ARMC8: variants seen among roughly 807,000 people sequenced by gnomAD.
ARMC8 encodes armadillo repeat containing 8.
ARMC8 carries 20 observed loss-of-function variants against 99.3 expected under a neutral mutation model. That is an observed-to-expected ratio of 0.20 (90% confidence interval 0.14 to 0.29). ARMC8 has a LOEUF of 0.29. Ranked by LOEUF, ARMC8 falls within the 10% of genes least tolerant of loss-of-function variation. The pLI is 1.00. For missense variants in ARMC8, 569 were observed against 809.5 expected, an observed-to-expected ratio of 0.70 and a Z score of 3.60; for synonymous variants, 263 against 278.3, an observed-to-expected ratio of 0.95 and a Z score of 0.55.
intron 1 of ARMC8, among the ~76,000 whole-genome samples, chr3:138,194,935 G>A (rs1472228439): frequency 2.6e-5 from 4 of 151,978 alleles, no homozygotes; most frequent in Admixed American, 6.5e-5. Flanking sequence ...AGTTTACAAA[G>A]CACTAATAAG....
intron 9 of ARMC8, 122 bp downstream of exon 9, chr3:138,237,694 G>A: frequency 1.3e-6 from 1 of 744,998 alleles, no homozygotes; most frequent in Admixed American, 3.1e-5. Flanking sequence ...AAATTTGAAA[G>A]TCAGGAGTCC....
Position 138,240,002 on chromosome 3 carries a change from T to C in ARMC8, c.837+474T>C, listed in dbSNP as rs117070212. Among the ~76,000 whole-genome samples the C allele has an allele frequency of 3.3e-4, 51 of 152,288 alleles. No homozygotes were observed. The East Asian group carries it at 9.3e-3, about 28-fold the overall frequency. On this transcript the variant is annotated intron_variant, in intron 10 of 21. Coordinates refer to ENST00000469044, the MANE Select transcript of ARMC8 (RefSeq NM_001363941.2). ...AGCATTGTCATTGTGATATGTCATATACAACTTGAATTTAGAAAAACCTGG... is the reference window on the plus strand; with the variant it reads ...AGCATTGTCATTGTGATATGTCATACACAACTTGAATTTAGAAAAACCTGG...
chr3:138,245,650 G>A, intron 12 of ARMC8: 1 of 994,316 alleles, frequency 1.0e-6, no homozygotes, highest in South Asian at 4.6e-5. Flanking sequence ...TACTGTGCAA[G>A]TTTAATGTGA....
At chr3:138,253,882 C>T (rs2047258511) in intron 12 of ARMC8, among the ~76,000 whole-genome samples, 2 of 152,158 alleles carry the variant, frequency 1.3e-5, no homozygotes, top group East Asian at 3.9e-4. Context: ...TTGCCCTGAA[C>T]AGTGTACCCA....
At chr3:138,283,702 G>T (rs2050144095) in intron 18 of ARMC8, among the ~76,000 whole-genome samples, 1 of 152,140 alleles carries the variant, frequency 6.6e-6, no homozygotes, top group Non-Finnish European at 1.5e-5. Flanking sequence ...TTTGAGAATG[G>T]AACAGCTGAC....
intron 10 of ARMC8, among the ~76,000 whole-genome samples, chr3:138,239,828 A>G (rs2046521331): frequency 1.3e-5 from 2 of 152,218 alleles, no homozygotes; most frequent in African/African-American, 4.8e-5. Flanking sequence ...AACAGAAAAT[A>G]TATTTCGTTC....
At chr3:138,239,777 TAGG>T (rs1176155953) in intron 10 of ARMC8, among the ~76,000 whole-genome samples, 16 of 152,162 alleles carry the variant, frequency 1.1e-4, no homozygotes, top group Admixed American at 3.3e-4. Context: ...TTATGGTAAT[TAGG>T]AGGATGTGGA....
chr3:138,188,513 T>G, intron 1 of ARMC8: 1 of 1,614,018 alleles, frequency 6.2e-7, no homozygotes, highest in Non-Finnish European at 8.5e-7. Flanking sequence ...AAATTCGAGC[T>G]GTCCGACTCT....
At chr3:138,232,858 A>G (rs1448290526) in intron 6 of ARMC8, among the ~76,000 whole-genome samples, 1 of 152,226 alleles carries the variant, frequency 6.6e-6, no homozygotes, top group Non-Finnish European at 1.5e-5. Context: ...AGAGGTGGAA[A>G]AACAATGAGG....
chr3:138,241,638 A>G, intron 10 of ARMC8, 145 bp from the exon 11 acceptor site: 2 of 731,806 alleles, frequency 2.7e-6, no homozygotes, highest in East Asian at 2.8e-5. Flanking sequence ...ATTTTAAAAA[A>G]ATCTTTTATT....
chr3:138,192,528 C>G (rs563977335), intron 1 of ARMC8, among the ~76,000 whole-genome samples: 1 of 152,118 alleles, frequency 6.6e-6, no homozygotes, highest in Non-Finnish European at 1.5e-5. Flanking sequence ...TCACCCTTCT[C>G]GGCCTCCCAG....
chr3:138,287,528 T>G, intron 19 of ARMC8: 1 of 412,284 alleles, frequency 2.4e-6, no homozygotes, highest in Non-Finnish European at 5.0e-6. Flanking sequence ...TTATGCATAG[T>G]AAATGCATAT....
intron 18 of ARMC8, among the ~76,000 whole-genome samples, chr3:138,281,670 G>C (rs1375379400): frequency 6.6e-6 from 1 of 152,110 alleles, no homozygotes; most frequent in Non-Finnish European, 1.5e-5. Context: ...AAACAGAACT[G>C]TACCTCACTT....
At chr3:138,253,243 C>T (rs1358413762) in intron 12 of ARMC8, among the ~76,000 whole-genome samples, 1 of 152,174 alleles carries the variant, frequency 6.6e-6, no homozygotes, top group Non-Finnish European at 1.5e-5. Flanking sequence ...AAACCATATA[C>T]AACAGAAATA....
intron 12 of ARMC8, among the ~76,000 whole-genome samples, chr3:138,255,710 T>C (rs2108230546): frequency 6.6e-6 from 1 of 152,278 alleles, no homozygotes; most frequent in South Asian, 2.1e-4. Context: ...CTGGGAGCGG[T>C]GACTCACACC....
intron 14 of ARMC8, among the ~76,000 whole-genome samples, chr3:138,264,985 G>GC (rs1181535635): frequency 6.6e-6 from 1 of 150,894 alleles, no homozygotes. Context: ...GCAGCCTTGT[G>GC]CCCCCCGGCC....
At chr3:138,213,390 G>A (rs977776736) in intron 2 of ARMC8, among the ~76,000 whole-genome samples, 51 of 152,176 alleles carry the variant, frequency 3.4e-4, no homozygotes, top group African/African-American at 1.2e-3. Context: ...TTTGTTAGTA[G>A]CACAATAGTT....
At chr3:138,235,581 C>A (rs2046289193) in intron 7 of ARMC8, among the ~76,000 whole-genome samples, 1 of 152,116 alleles carries the variant, frequency 6.6e-6, no homozygotes, top group Non-Finnish European at 1.5e-5. Context: ...ATTACGTTTT[C>A]TTTTATATAT....
At chr3:138,232,926 C>G (rs557290389) in intron 6 of ARMC8, among the ~76,000 whole-genome samples, 3 of 152,282 alleles carry the variant, frequency 2.0e-5, no homozygotes, top group Admixed American at 1.3e-4. Context: ...CTGCCAGTGT[C>G]TAAACTGGGT....
Sources: gnomAD v4.1 joint callset for allele counts (sites outside exome capture counted in the v4.1 genomes callset) on GRCh38, gnomAD v4.1.1 for gene constraint, MANE v1.5 for transcripts, NCBI Gene and HGNC (gene_info 2026-07-23, HGNC 2026-07-21) for gene names.